Variants in PCDHGA3 observed in about 807,000 individuals in gnomAD.
PCDHGA3 encodes protocadherin gamma-A3.
Under a neutral mutation model 58.5 loss-of-function variants are expected in PCDHGA3, and 40 were observed. The observed-to-expected ratio is 0.68, with a 90% CI of 0.53 to 0.89. The LOEUF (loss-of-function observed/expected upper bound fraction) is 0.89. PCDHGA3 is among the 40% of genes least tolerant of loss of function. The probability of loss-of-function intolerance (pLI) is 0.00; values close to 1 mark genes in which losing one functional copy is unlikely to be tolerated. For synonymous variants in PCDHGA3, 530 were observed against 525.7 expected (o/e 1.01, Z -0.11); for missense variants, 1,223 against 1,195.9 (o/e 1.02, Z -0.33).
In PCDHGA3 at chr5:141,361,888, G is replaced by A. The variant is rs201231976; in HGVS notation, c.2424+15431G>A. 488 of 1,610,218 alleles carry A rather than the reference G, an allele frequency of 3.0e-4. 1 individual carries two copies. The African/African-American group carries it at 5.4e-3, about 18-fold the overall frequency. On this transcript the variant is annotated intron_variant, in intron 1 of 3. Coordinates refer to ENST00000253812, the MANE Select transcript of PCDHGA3 (RefSeq NM_018916.4). ...TATGGTGCCACGCGCCGCAGAGCCC[G>A]GCTACCTGGTGACCAAGGTGGTGGC...
intron 1 of PCDHGA3, among the ~76,000 whole-genome samples, chr5:141,480,720 G>C (rs2099524423): frequency 6.6e-6 from 1 of 152,146 alleles, no homozygotes; most frequent in Non-Finnish European, 1.5e-5. Context: ...TGAAAGCACA[G>C]TCTCTGGGGG....
chr5:141,442,930 T>C (rs77210959), intron 1 of PCDHGA3, among the ~76,000 whole-genome samples: 6,420 of 152,302 alleles, frequency 0.042, 216 homozygotes, highest in African/African-American at 0.092. Flanking sequence ...TCATTTTCTA[T>C]TTAAGAAACT....
intron 1 of PCDHGA3, chr5:141,404,496 A>G (rs773471878): frequency 2.7e-5 from 43 of 1,613,778 alleles, no homozygotes; most frequent in East Asian, 2.2e-5. Context: ...GGTGTGCTGT[A>G]TGCTCTGTGC....
intron 1 of PCDHGA3, chr5:141,392,656 G>T: frequency 1.3e-6 from 1 of 748,568 alleles, no homozygotes; most frequent in South Asian, 2.2e-5. Context: ...ACCCGCAGAT[G>T]CCACAAACTA....
intron 1 of PCDHGA3, among the ~76,000 whole-genome samples, chr5:141,446,545 C>T (rs903831454): frequency 4.6e-5 from 7 of 151,914 alleles, no homozygotes; most frequent in African/African-American, 1.7e-4. Context: ...GGCCCTATCT[C>T]TGCTCACTGC....
chr5:141,453,545 A>T (rs2098768582), intron 1 of PCDHGA3, among the ~76,000 whole-genome samples: 1 of 151,998 alleles, frequency 6.6e-6, no homozygotes, highest in African/African-American at 2.4e-5. Flanking sequence ...TTCACACCAC[A>T]CTCTGTAGAT....
chr5:141,371,335 G>A (rs374653658), intron 1 of PCDHGA3: 21 of 1,613,940 alleles, frequency 1.3e-5, no homozygotes, highest in Non-Finnish European at 1.8e-5. Context: ...GAGAGAGATA[G>A]CTACACAATT....
intron 1 of PCDHGA3, chr5:141,408,952 T>C (rs531696982): frequency 6.2e-7 from 1 of 1,613,544 alleles, no homozygotes; most frequent in African/African-American, 1.3e-5. Context: ...ATAGAATTAG[T>C]CTTAGTGAAA....
rs745716373 is a variant in PCDHGA3, at chr5:141,383,166, G to A, written c.2424+36709G>A. 10 of 1,614,130 alleles carry A rather than the reference G, an allele frequency of 6.2e-6. No individual in the cohort carries two copies. In the Admixed American group the frequency reaches 1.3e-4, roughly 22 times the overall value. On this transcript the variant is annotated intron_variant, in intron 1 of 3. Coordinates refer to ENST00000253812, the MANE Select transcript of PCDHGA3 (RefSeq NM_018916.4). ...GCGGCAGCTTGGTCACTGCGGGCAG[G>A]ATAGACCGGGAAGAGATCTGCGCTC...
At chr5:141,375,105 A>C (rs371346343) in intron 1 of PCDHGA3, 14 of 1,613,840 alleles carry the variant, frequency 8.7e-6, no homozygotes, top group African/African-American at 2.7e-5. Context: ...TTGGATGTCA[A>C]TGATAATGTA....
At chr5:141,389,725 T>A in intron 1 of PCDHGA3, 1 of 1,612,726 alleles carries the variant, frequency 6.2e-7, no homozygotes, top group South Asian at 1.1e-5. Flanking sequence ...GAGCCCGGGC[T>A]CTTCAGCCTG....
intron 1 of PCDHGA3, among the ~76,000 whole-genome samples, chr5:141,354,219 T>C (rs535697333): frequency 4.2e-4 from 64 of 152,356 alleles, no homozygotes; most frequent in African/African-American, 1.5e-3. Flanking sequence ...TTTTTATTTC[T>C]TTTTTATTTT....
chr5:141,511,823 GC>G lies in PCDHGA3; in HGVS notation c.*653del, dbSNP rs2099883963. On this transcript the variant is annotated 3_prime_UTR_variant, in exon 4 of 4. Coordinates refer to ENST00000253812, the MANE Select transcript of PCDHGA3 (RefSeq NM_018916.4). The stretch of plus-strand genomic sequence containing the variant: ...TTTTGCTACCAAGCCTCTTCCCAAC[GC>G]CCTGGGGACCAGTCTTCTGTTTTGT... The G allele has an allele frequency of 6.4e-6, 1 of 156,728 alleles. No individual in the cohort carries two copies. The highest frequency in any genetic ancestry group is 1.9e-4 in the South Asian group (1 of 5,164). 9.7% of individuals were successfully genotyped at this position (156,728 alleles called of 1,614,324 possible).
intron 1 of PCDHGA3, among the ~76,000 whole-genome samples, chr5:141,469,102 A>G (rs1423904196): frequency 6.6e-6 from 1 of 151,626 alleles, no homozygotes; most frequent in East Asian, 1.9e-4. Flanking sequence ...CAAAGCAAGA[A>G]CCTGTCTCTA....
chr5:141,510,398 G>A (rs2099880972), intron 3 of PCDHGA3, among the ~76,000 whole-genome samples: 1 of 152,064 alleles, frequency 6.6e-6, no homozygotes, highest in African/African-American at 2.4e-5. Flanking sequence ...CTTGGCAAAG[G>A]CTAGGGGCAT....
intron 1 of PCDHGA3, chr5:141,398,766 T>C (rs775055352): frequency 6.2e-6 from 10 of 1,613,844 alleles, no homozygotes; most frequent in Non-Finnish European, 7.6e-6. Flanking sequence ...TAGTCCTGAC[T>C]GCCTTGGACG....
At chr5:141,428,102 G>T (rs774075619) in intron 1 of PCDHGA3, 38 of 1,608,516 alleles carry the variant, frequency 2.4e-5, no homozygotes, top group Non-Finnish European at 3.2e-5. Flanking sequence ...CCTACCACGT[G>T]CTGCAGGCCA....
At position 141,487,855 on chromosome 5, in the gene PCDHGA3, A is replaced by G. The variant is rs1033833406; in HGVS notation, c.2425-6952A>G. The G allele has an allele frequency of 2.1e-6, 2 of 974,092 alleles. No homozygotes were observed. Among genetic ancestry groups the G allele is most frequent in the Non-Finnish European group, 3.0e-6 (2 of 668,870 alleles). The allele number at this position is 974,092 out of a possible 1,614,324, so 60.3% of individuals were successfully genotyped here. Reference sequence around the variant, plus strand: ...TATATCTGAGTAAGAAATGAAAGTAATTGGTGATCAAGAGCCAGGCTGTTG... The same window carrying G: ...TATATCTGAGTAAGAAATGAAAGTAGTTGGTGATCAAGAGCCAGGCTGTTG... On this transcript the variant is annotated intron_variant, in intron 1 of 3. Transcript: ENST00000253812. The surrounding 1 kb of genome is among the most constrained non-coding windows in gnomAD (Gnocchi z 5.0).
chr5:141,477,224 G>C lies in PCDHGA3; in HGVS notation c.2425-17583G>C. 6.2e-7 allele frequency: 1 copy of C among 1,614,200 alleles called. No individual in the cohort carries two copies. The highest frequency in any genetic ancestry group is 8.5e-7 in the Non-Finnish European group (1 of 1,180,046). Reference sequence around the variant, plus strand: ...ACCCGAGGATGCCCCTCTGGGGACTGTCATCGCTTTGCTCAGTGTGACTGA... The same window carrying C: ...ACCCGAGGATGCCCCTCTGGGGACTCTCATCGCTTTGCTCAGTGTGACTGA... On this transcript the variant is annotated intron_variant, in intron 1 of 3. Transcript: ENST00000253812. The surrounding 1 kb of genome is among the most constrained non-coding windows in gnomAD (Gnocchi z 4.9).
Sources: gnomAD v4.1 joint callset for allele counts (sites outside exome capture counted in the v4.1 genomes callset) on GRCh38, gnomAD v4.1.1 for gene constraint, Gnocchi (gnomAD v3.1) non-coding constraint, MANE v1.5 for transcripts, NCBI Gene and HGNC (gene_info 2026-07-23, HGNC 2026-07-21) for gene names.